The following CCDC175 variants were observed in gnomAD, a reference collection of about 807,000 sequenced individuals.
CCDC175 encodes coiled-coil domain containing 175.
Under a neutral mutation model 114.6 loss-of-function variants are expected in CCDC175, and 100 were observed. That is an observed-to-expected ratio of 0.87 (90% CI 0.74 to 1.03). The LOEUF is 1.03. Ranked by LOEUF, CCDC175 falls within the 50% of genes least tolerant of loss-of-function variation. The pLI is 0.00. For missense variants in CCDC175, 880 were observed against 917.8 expected (o/e 0.96, Z 0.53); for synonymous variants, 306 against 308.7 (o/e 0.99, Z 0.09).
chr14:59,537,966 C>G (rs879101028), intron 13 of CCDC175, 57 bp downstream of exon 13: 249 of 1,028,034 alleles, frequency 2.4e-4, no homozygotes, highest in East Asian at 4.3e-4. Flanking sequence ...AAATATTATT[C>G]CCCCTCCCCC....
At position 59,538,005 on chromosome 14, in the gene CCDC175, A is replaced by G; in HGVS notation, c.1623+18T>C. On this transcript the variant is annotated intron_variant, in intron 13 of 19. Coordinates refer to ENST00000537690, the MANE Select transcript of CCDC175 (RefSeq NM_001164399.2). ...TGTAGTCATCCAAAAGTATTCTTAG[A>G]TGCAAAATAAAATTTACCTCATACT... 6.7e-7 allele frequency: 1 copy of G among 1,501,944 alleles called. No homozygotes were observed. Among genetic ancestry groups the G allele is most frequent in the Admixed American group, 2.0e-5 (1 of 50,296 alleles). The allele number at this position is 1,501,944 out of a possible 1,614,324, so 93.0% of individuals were successfully genotyped here.
chr14:59,550,528 G>T (rs1474260815), intron 8 of CCDC175, among the ~76,000 whole-genome samples: 1 of 151,908 alleles, frequency 6.6e-6, no homozygotes, highest in Non-Finnish European at 1.5e-5. Context: ...ATTAGTCAGG[G>T]TTCTCTAGAG....
intron 17 of CCDC175, among the ~76,000 whole-genome samples, chr14:59,517,864 T>G (rs1440439447): frequency 6.6e-6 from 1 of 152,046 alleles, no homozygotes; most frequent in Non-Finnish European, 1.5e-5. Context: ...CATCGCCAAG[T>G]CAATCCTAAG....
intron 8 of CCDC175, among the ~76,000 whole-genome samples, chr14:59,548,708 C>A (rs1174634984): frequency 2.6e-5 from 4 of 152,278 alleles, no homozygotes; most frequent in Non-Finnish European, 5.9e-5. Context: ...GCCAACAAAC[C>A]AACCTTGTCT....
intron 1 of CCDC175, among the ~76,000 whole-genome samples, chr14:59,576,145 AC>A (rs1897109171): frequency 6.6e-6 from 1 of 152,076 alleles, no homozygotes; most frequent in Non-Finnish European, 1.5e-5. Context: ...CTCCTAAACA[AC>A]CCTTTACATC....
At position 59,513,503 on chromosome 14, in the gene CCDC175, C is replaced by A. The variant is rs150721293; in HGVS notation, c.2099-1700G>T. 2.1e-3 allele frequency among the ~76,000 whole-genome samples: 320 copies of A among 152,318 alleles called. 1 individual carries two copies. Among genetic ancestry groups the A allele is most frequent in the African/African-American group, 6.9e-3 (287 of 41,564 alleles). Reference sequence around the variant, plus strand: ...CTTTTCCAACTGTCTTAGCAAACGGCACAGCAAGAGATTATATCCCGTGCC... The same window carrying A: ...CTTTTCCAACTGTCTTAGCAAACGGAACAGCAAGAGATTATATCCCGTGCC... On this transcript the variant is annotated intron_variant, in intron 17 of 19. Coordinates refer to ENST00000537690, the MANE Select transcript of CCDC175 (RefSeq NM_001164399.2).
At position 59,505,251 on chromosome 14, in the gene CCDC175, T is replaced by C. The variant is rs752906984; in HGVS notation, c.2370A>G (p.Thr790=). The C allele has an allele frequency of 1.3e-6, 2 of 1,491,612 alleles. No homozygotes were observed. The highest frequency in any genetic ancestry group is 1.3e-5 in the South Asian group (1 of 78,298). 92.4% of individuals were successfully genotyped at this position (1,491,612 alleles called of 1,614,324 possible). ...FPVVKCTEKN[T]LTK is the part of the protein sequence containing the mutation. ...TTGTATCCTTGAGTTACTTTGTTAA[T>C]GTATTTTTCTCAGTACATTTAACCA... The change falls in exon 20 of 20, where the codon ACA becomes ACG. Residue 790 remains threonine, a synonymous_variant. Transcript: ENST00000537690.
intron 14 of CCDC175, among the ~76,000 whole-genome samples, chr14:59,530,774 C>T (rs149053518): frequency 0.01 from 1,558 of 152,240 alleles, 10 homozygotes; most frequent in Non-Finnish European, 0.016. Flanking sequence ...TTGACACAGG[C>T]GATTTTAATT....
chr14:59,519,744 T>C (rs1392116180), intron 17 of CCDC175, among the ~76,000 whole-genome samples: 1 of 152,242 alleles, frequency 6.6e-6, no homozygotes, highest in Non-Finnish European at 1.5e-5. Flanking sequence ...GTGGTGGCTA[T>C]GACCCCTCCC....
intron 16 of CCDC175, among the ~76,000 whole-genome samples, chr14:59,522,470 C>A (rs1334369652): frequency 1.3e-5 from 2 of 152,166 alleles, no homozygotes; most frequent in African/African-American, 4.8e-5. Context: ...GTAAAAGCCA[C>A]CTTAAGCCAA....
chr14:59,557,487 G>T, intron 7 of CCDC175, among the ~76,000 whole-genome samples: 1 of 125,452 alleles, frequency 8.0e-6, no homozygotes, highest in African/African-American at 2.9e-5. Context: ...GAGGGGGGAG[G>T]GATAGCATTA....
intron 17 of CCDC175, among the ~76,000 whole-genome samples, chr14:59,514,090 C>T (rs1892915231): frequency 6.6e-6 from 1 of 152,198 alleles, no homozygotes; most frequent in South Asian, 2.1e-4. Context: ...CTCCAACAGA[C>T]CTGCAGCTGA....
intron 7 of CCDC175, among the ~76,000 whole-genome samples, chr14:59,557,991 TA>T (rs1273177160): frequency 2.6e-5 from 4 of 152,150 alleles, no homozygotes; most frequent in Non-Finnish European, 5.9e-5. Context: ...GGATAAACCA[TA>T]AAAGGATCCT....
intron 13 of CCDC175, 73 bp from the exon 14 acceptor site, chr14:59,531,983 A>C (rs1295644479): frequency 1.3e-6 from 1 of 752,740 alleles, no homozygotes; most frequent in African/African-American, 1.8e-5. Context: ...GTAGAATATA[A>C]GTTTTTTGAG....
chr14:59,563,865 G>A lies in CCDC175; in HGVS notation c.721-6C>T. ...GTATTTTCAAATTCATTAATCTATA[G>A]TGACAAGCATAAGAAACCAATTTAA... is the stretch of plus-strand genomic sequence containing the variant. On this transcript the variant is annotated splice_region_variant and splice_polypyrimidine_tract_variant and intron_variant, in intron 5 of 19. Coordinates refer to ENST00000537690, the MANE Select transcript of CCDC175 (RefSeq NM_001164399.2). 1 of 1,398,352 alleles carries A rather than the reference G, an allele frequency of 7.2e-7. No homozygotes were observed. Among genetic ancestry groups the A allele is most frequent in the Non-Finnish European group, 9.2e-7 (1 of 1,082,138 alleles). The allele number at this position is 1,398,352 out of a possible 1,614,324, so 86.6% of individuals were successfully genotyped here. A position where few individuals can be genotyped will look rare whatever the true frequency, so the allele number is the denominator to read the frequency against.
rs148483232 is a variant in CCDC175 at position 59,505,866 on chromosome 14, T to C, written c.2306-551A>G. ...AAAGTCAAAATACAGGTTGAATATC[T>C]CATATTCAAAAATGCTTGAGACCAG... On this transcript the variant is annotated intron_variant, in intron 19 of 19. Transcript: ENST00000537690. 9.2e-3 allele frequency among the ~76,000 whole-genome samples: 1,406 copies of C among 152,268 alleles called. 23 individuals carry two copies. Among genetic ancestry groups the C allele is most frequent in the African/African-American group, 0.031 (1,281 of 41,548 alleles).
At chr14:59,528,875 A>C (rs1424371478) in intron 14 of CCDC175, among the ~76,000 whole-genome samples, 3 of 152,138 alleles carry the variant, frequency 2.0e-5, no homozygotes, top group African/African-American at 7.2e-5. Context: ...TCTGTTCTCT[A>C]ATCTTTAAGC....
Position 59,575,024 on chromosome 14 carries a change from T to C in CCDC175, c.162A>G (p.Gln54=), listed in dbSNP as rs780165172. 2.7e-6 allele frequency: 4 copies of C among 1,470,712 alleles called. No individual in the cohort carries two copies. The highest frequency in any genetic ancestry group is 2.5e-5 in the East Asian group (1 of 40,446). 91.1% of individuals were successfully genotyped at this position (1,470,712 alleles called of 1,614,324 possible). Residue 54 remains glutamine, a synonymous_variant, in exon 2 of 20, where the codon CAA becomes CAG. Coordinates refer to ENST00000537690, the MANE Select transcript of CCDC175 (RefSeq NM_001164399.2). The part of the protein sequence containing the change: ...EALEQLFVVE[Q]SLQSDYFKCN... The stretch of plus-strand genomic sequence containing the variant: ...ATTTAAAATAGTCACTTTGCAGTGA[T>C]TGTTCTGAAAAAAAAATTAGAAAAT...
chr14:59,538,015 A>G lies in CCDC175; in HGVS notation c.1623+8T>C, dbSNP rs1002049632. 2.1e-5 allele frequency: 32 copies of G among 1,515,432 alleles called. No homozygotes were observed. The highest frequency in any genetic ancestry group is 1.7e-4 in the Middle Eastern group (1 of 5,778). 93.9% of individuals were successfully genotyped at this position (1,515,432 alleles called of 1,614,324 possible). On this transcript the variant is annotated splice_region_variant and intron_variant, in intron 13 of 19. Transcript: ENST00000537690. ...CAAAAGTATTCTTAGATGCAAAATA[A>G]AATTTACCTCATACTTGCTTAACTC...
Sources: allele counts gnomAD v4.1 joint callset (sites outside exome capture counted in the v4.1 genomes callset), GRCh38; gene constraint gnomAD v4.1.1; transcripts MANE v1.5; gene names NCBI Gene and HGNC (gene_info 2026-07-23, HGNC 2026-07-21).